Variants in IL1RAPL1 observed in about 807,000 individuals in gnomAD.
IL1RAPL1 encodes the protein interleukin 1 receptor accessory protein like 1, also known as interleukin-1 receptor accessory protein-like 1.
IL1RAPL1 carries 3 observed loss-of-function variants against 48.4 expected under a neutral mutation model. The ratio of observed to expected loss-of-function variants is 0.06; its 90% CI spans 0.03 to 0.16. The LOEUF is 0.16. Ranked by LOEUF, IL1RAPL1 falls within the 10% of genes least tolerant of loss-of-function variation. The probability of loss-of-function intolerance (pLI) is 1.00; values close to 1 mark genes in which losing one functional copy is unlikely to be tolerated. For synonymous variants in IL1RAPL1, 185 were observed against 187.7 expected, an observed-to-expected ratio of 0.99 and a Z score of 0.12; for missense variants, 349 against 530.6, an observed-to-expected ratio of 0.66 and a Z score of 3.36.
intron 8 of IL1RAPL1, among the ~76,000 whole-genome samples, chrX:29,920,488 A>AT (rs1385144861): frequency 5.4e-5 from 6 of 111,054 alleles, no homozygotes; most frequent in African/African-American, 2.0e-4. Flanking sequence ...AATGCTATTT[A>AT]TTATTATTAG....
intron 5 of IL1RAPL1, among the ~76,000 whole-genome samples, chrX:29,636,745 A>G (rs994197355): frequency 1.8e-4 from 20 of 111,857 alleles, no homozygotes; most frequent in Admixed American, 9.5e-5. Context: ...ACAGCAAAAA[A>G]AATTAGGAAC....
At chrX:29,905,650 G>A in intron 6 of IL1RAPL1, among the ~76,000 whole-genome samples, 1 of 110,854 alleles carries the variant, frequency 9.0e-6, no homozygotes, top group Non-Finnish European at 1.9e-5. Context: ...GCTTGTTGCT[G>A]ATTCTTATAT....
At chrX:29,353,079 T>A (rs985364379) in intron 3 of IL1RAPL1, among the ~76,000 whole-genome samples, 1 of 112,009 alleles carries the variant, frequency 8.9e-6, no homozygotes, top group South Asian at 3.7e-4. Flanking sequence ...CTCCTGTGAG[T>A]GTAATAGGAA....
chrX:28,975,959 G>T (rs1925194005), intron 2 of IL1RAPL1, among the ~76,000 whole-genome samples: 1 of 111,613 alleles, frequency 9.0e-6, no homozygotes, highest in Non-Finnish European at 1.9e-5. Flanking sequence ...CAAGAGAAAT[G>T]AACACGTATG....
intron 2 of IL1RAPL1, among the ~76,000 whole-genome samples, chrX:29,011,249 A>T (rs986646070): frequency 8.9e-6 from 1 of 112,047 alleles, no homozygotes; most frequent in Non-Finnish European, 1.9e-5. Context: ...TGAACTTACC[A>T]TATAACTTAG....
intron 1 of IL1RAPL1, among the ~76,000 whole-genome samples, chrX:28,612,826 T>G (rs970392509): frequency 1.2e-4 from 13 of 112,213 alleles, no homozygotes; most frequent in Admixed American, 7.6e-4. Flanking sequence ...CTATATCATT[T>G]TATCTTTGCA....
chrX:29,431,354 AT>A (rs1934421043), intron 5 of IL1RAPL1, among the ~76,000 whole-genome samples: 1 of 111,014 alleles, frequency 9.0e-6, no homozygotes, highest in Admixed American at 9.6e-5. Flanking sequence ...ATAAATAGTC[AT>A]AGTGAGCTAA....
chrX:29,903,196 G>GAGAGAGAGAGACAGAGACAGAGAC (rs746194201), intron 6 of IL1RAPL1, among the ~76,000 whole-genome samples: 143 of 108,648 alleles, frequency 1.3e-3, no homozygotes, highest in Non-Finnish European at 2.3e-3. Context: ...GAGAGAGAGA[G>GAGAGAGAGAGACAGAGACAGAGAC]AGAGAGAGAC....
chrX:29,945,219 A>G (rs769784211), intron 9 of IL1RAPL1, among the ~76,000 whole-genome samples: 3 of 111,797 alleles, frequency 2.7e-5, no homozygotes, highest in African/African-American at 9.7e-5. Flanking sequence ...CCTCCTATAC[A>G]TGCTTTTATG....
At chrX:28,940,784 T>C (rs1461175610) in intron 2 of IL1RAPL1, among the ~76,000 whole-genome samples, 4 of 110,285 alleles carry the variant, frequency 3.6e-5, no homozygotes, top group Admixed American at 9.7e-5. Flanking sequence ...AACAGGTAAA[T>C]ATTGGCACAA....
chrX:29,463,826 T>G (rs916295932), intron 5 of IL1RAPL1, among the ~76,000 whole-genome samples: 1 of 111,444 alleles, frequency 9.0e-6, no homozygotes, highest in Non-Finnish European at 1.9e-5. Flanking sequence ...AGAGACATAC[T>G]CTGGGGGAAA....
At chrX:28,974,743 G>A (rs1395851128) in intron 2 of IL1RAPL1, among the ~76,000 whole-genome samples, 1 of 111,791 alleles carries the variant, frequency 8.9e-6, no homozygotes, top group Non-Finnish European at 1.9e-5. Context: ...GGCCAGCTCA[G>A]TCCTGGAACT....
chrX:28,948,420 A>G (rs1356264055), intron 2 of IL1RAPL1, among the ~76,000 whole-genome samples: 2 of 110,417 alleles, frequency 1.8e-5, no homozygotes, highest in Admixed American at 9.7e-5. Flanking sequence ...ATCTGAACCT[A>G]GAAGTCTCTC....
chrX:29,453,968 A>T (rs1476788247), intron 5 of IL1RAPL1, among the ~76,000 whole-genome samples: 1 of 112,384 alleles, frequency 8.9e-6, no homozygotes, highest in African/African-American at 3.2e-5. Context: ...TTTGTGGGAA[A>T]AGATAACATT....
At chrX:29,589,469 C>T (rs1166141418) in intron 5 of IL1RAPL1, among the ~76,000 whole-genome samples, 1 of 111,141 alleles carries the variant, frequency 9.0e-6, no homozygotes, top group African/African-American at 3.3e-5. Context: ...TCTTTATGAT[C>T]TCAGATCATT....
chrX:29,289,412 GT>G (rs780098577), intron 3 of IL1RAPL1, among the ~76,000 whole-genome samples: 1 of 111,840 alleles, frequency 8.9e-6, no homozygotes, highest in Non-Finnish European at 1.9e-5. Flanking sequence ...TAATTTCTGT[GT>G]TTTTTATTCC....
At chrX:29,052,764 C>G (rs1168121144) in intron 2 of IL1RAPL1, among the ~76,000 whole-genome samples, 5 of 111,305 alleles carry the variant, frequency 4.5e-5, no homozygotes, top group Non-Finnish European at 9.4e-5. Flanking sequence ...CGCCGCCTCC[C>G]GGGTTCAAGC....
At chrX:29,674,654 G>A (rs952690374) in intron 6 of IL1RAPL1, among the ~76,000 whole-genome samples, 8 of 111,520 alleles carry the variant, frequency 7.2e-5, no homozygotes, top group African/African-American at 2.6e-4. Context: ...TTGTTGTATA[G>A]ATTATTTTGT....
intron 1 of IL1RAPL1, among the ~76,000 whole-genome samples, chrX:28,667,528 G>A (rs1934895285): frequency 8.9e-6 from 1 of 111,805 alleles, no homozygotes; most frequent in South Asian, 3.7e-4. Context: ...ATTTTTGTCT[G>A]TTCGCCTCAT....
Sources: gnomAD v4.1 joint callset for allele counts (sites outside exome capture counted in the v4.1 genomes callset) on GRCh38, gnomAD v4.1.1 for gene constraint, MANE v1.5 for transcripts, NCBI Gene and HGNC (gene_info 2026-07-23, HGNC 2026-07-21) for gene names.